ZCCHC14: variants seen among roughly 807,000 people sequenced by gnomAD.
ZCCHC14 encodes zinc finger CCHC domain-containing protein 14.
A neutral mutation model predicts 85.0 loss-of-function variants in ZCCHC14; 16 were observed. The ratio of observed to expected loss-of-function variants is 0.19; its 90% CI spans 0.13 to 0.29. The LOEUF (loss-of-function observed/expected upper bound fraction) is 0.29, where lower values mean the gene tolerates loss of function less well. Among genes scored for constraint, ZCCHC14 ranks in the 10% least tolerant of loss-of-function variants. The pLI, the probability that ZCCHC14 is intolerant of heterozygous loss-of-function variation, is 1.00. For synonymous variants in ZCCHC14, 775 were observed against 630.7 expected (o/e 1.23, Z -3.43); for missense variants, 1,303 against 1,443.5 (o/e 0.90, Z 1.58).
In ZCCHC14 at chr16:87,411,709, C is replaced by A; in HGVS notation, c.3012G>T (p.Gln1004His). 6.2e-7 allele frequency: 1 copy of A among 1,614,120 alleles called. No homozygotes were observed. The highest frequency in any genetic ancestry group is 8.5e-7 in the Non-Finnish European group (1 of 1,180,026). ...GCATGGGTGGCACGGCAAACGTGGA[C>A]TGCCCACTCAGGACAGGGTCTGGGG... ...SGTPDPVLSG[Q>H]STFAVPPMQN... The change falls in exon 12 of 13, where the codon CAG becomes CAT. Residue 1004 changes from glutamine (Q) to histidine (H), a missense_variant. Coordinates refer to ENST00000671377, the MANE Select transcript of ZCCHC14 (RefSeq NM_015144.3).
Position 87,481,526 on chromosome 16 carries a change from CGGGGGGGGGGGGGGGTG to C in ZCCHC14, c.570+10126_570+10142del, listed in dbSNP as rs1184208945. On this transcript the variant is annotated intron_variant, in intron 1 of 12. Coordinates refer to ENST00000671377, the MANE Select transcript of ZCCHC14 (RefSeq NM_015144.3). ...ATGGCAAGTGTGGCAGGGAGAGAAA[CGGGGGGGGGGGGGGGTG>C]GGGGGGGGGAAGGGTAAGCGGGAGG... Among the ~76,000 whole-genome samples, 14 of 2,430 alleles carry C rather than the reference CGGGGGGGGGGGGGGGTG, an allele frequency of 5.8e-3. 1 individual carries two copies. The highest frequency in any genetic ancestry group is 0.014 in the African/African-American group (11 of 768). The allele number at this position is 2,430 out of a possible 152,430, so 1.6% of individuals were successfully genotyped here.
In ZCCHC14 at chr16:87,483,829, G is replaced by A. The variant is rs1912396322; in HGVS notation, c.570+7840C>T. The stretch of plus-strand genomic sequence containing the variant: ...CCACTTCCAGATTTCTACTCCACAG[G>A]TAGACTTACCTGAATGTGAAAGGTC... On this transcript the variant is annotated intron_variant, in intron 1 of 12. Coordinates refer to ENST00000671377, the MANE Select transcript of ZCCHC14 (RefSeq NM_015144.3). Among the ~76,000 whole-genome samples the A allele has an allele frequency of 2.0e-5, 3 of 152,310 alleles. No homozygotes were observed. The South Asian group carries it at 6.2e-4, about 32-fold the overall frequency.
chr16:87,447,362 T>C (rs117722238), intron 2 of ZCCHC14, among the ~76,000 whole-genome samples: 2,330 of 152,230 alleles, frequency 0.015, 36 homozygotes, highest in Middle Eastern at 0.041. Flanking sequence ...ATCTGAAGTG[T>C]ACAATTCAAT....
rs552115019 is a variant in ZCCHC14 at position 87,479,940 on chromosome 16, T to C, written c.570+11729A>G. 5.9e-5 allele frequency among the ~76,000 whole-genome samples: 9 copies of C among 151,888 alleles called. No homozygotes were observed. The East Asian group carries it at 9.8e-4, about 16-fold the overall frequency. ...TGTATGCCAGTTTTTTCTTCTTCTT[T>C]TTCTTTTTTTTTTTAAATAGAGATG... On this transcript the variant is annotated intron_variant, in intron 1 of 12. Transcript: ENST00000671377.
intron 1 of ZCCHC14, among the ~76,000 whole-genome samples, chr16:87,484,266 G>C (rs1173885012): frequency 6.6e-6 from 1 of 152,208 alleles, no homozygotes; most frequent in African/African-American, 2.4e-5. Context: ...GCCCTTCCGT[G>C]CCATCTGTGG....
At chr16:87,485,196 G>T (rs1912459623) in intron 1 of ZCCHC14, among the ~76,000 whole-genome samples, 1 of 152,188 alleles carries the variant, frequency 6.6e-6, no homozygotes, top group Non-Finnish European at 1.5e-5. Context: ...GCTTAATCAT[G>T]CCCTGATCAG....
chr16:87,477,861 G>T (rs9924961), intron 1 of ZCCHC14, among the ~76,000 whole-genome samples: 1 of 132,316 alleles, frequency 7.6e-6, no homozygotes, highest in Admixed American at 7.5e-5. Context: ...GCCCCTCACC[G>T]CACACACCTG....
chr16:87,492,070 G>A lies in ZCCHC14; in HGVS notation c.169C>T (p.His57Tyr), dbSNP rs1371691348. 3 of 1,401,942 alleles carry A rather than the reference G, an allele frequency of 2.1e-6. No homozygotes were observed. The highest frequency in any genetic ancestry group is 1.5e-5 in the South Asian group (1 of 65,120). The allele number at this position is 1,401,942 out of a possible 1,614,324, so 86.8% of individuals were successfully genotyped here. The change falls in exon 1 of 13, where the codon CAC becomes TAC. Residue 57 changes from histidine to tyrosine, a missense_variant. By Grantham distance (83) the His-to-Tyr change is moderately conservative. Coordinates refer to ENST00000671377, the MANE Select transcript of ZCCHC14 (RefSeq NM_015144.3). This position sits in a 1 kb window ranked among gnomAD's most constrained non-coding sequence, Gnocchi z 6.7. ...TTGATCTCCGAGTCGCGCAGCGAGT[G>A]GTAGTCCTTGCGGGCCAGGTCCTCC... is the stretch of plus-strand genomic sequence containing the variant. ...CLEDLARKDY[H>Y]SLRDSEIKAN...
chr16:87,452,512 G>T (rs761264004), intron 2 of ZCCHC14, among the ~76,000 whole-genome samples: 1 of 152,104 alleles, frequency 6.6e-6, no homozygotes, highest in Non-Finnish European at 1.5e-5. Flanking sequence ...GGGTACAGAA[G>T]AGCGCTATCG....
chr16:87,448,690 G>A (rs1262771522), intron 2 of ZCCHC14, among the ~76,000 whole-genome samples: 1 of 151,996 alleles, frequency 6.6e-6, no homozygotes, highest in Non-Finnish European at 1.5e-5. Context: ...CTTTTTTCAT[G>A]GCACCCAGCT....
chr16:87,462,553 A>C (rs1032646373), intron 1 of ZCCHC14, among the ~76,000 whole-genome samples: 2 of 151,188 alleles, frequency 1.3e-5, no homozygotes, highest in Non-Finnish European at 2.9e-5. Context: ...ATCCTGGCTA[A>C]CACGGTGAAA....
chr16:87,442,848 A>C lies in ZCCHC14; in HGVS notation c.695-9647T>G, dbSNP rs187904204. On this transcript the variant is annotated intron_variant, in intron 2 of 12. Transcript: ENST00000671377. ...AACCATGAAGGCCAGAAGAAAGTAG[A>C]ATCATATTTTAAAGTACTAAAGGCA... 6.6e-5 allele frequency among the ~76,000 whole-genome samples: 10 copies of C among 152,360 alleles called. No individual in the cohort carries two copies. In the East Asian group the frequency reaches 1.5e-3, roughly 23 times the overall value.
intron 1 of ZCCHC14, chr16:87,467,047 T>G (rs902888248): frequency 1.5e-4 from 8 of 51,940 alleles, no homozygotes; most frequent in South Asian, 3.3e-4. Flanking sequence ...AAAAAATTGT[T>G]TTTTTTTTTT....
intron 8 of ZCCHC14, among the ~76,000 whole-genome samples, chr16:87,416,330 A>G (rs923221702): frequency 9.2e-5 from 14 of 152,238 alleles, no homozygotes; most frequent in Admixed American, 8.5e-4. Flanking sequence ...GGTGCTACGC[A>G]AACACACCAG....
At chr16:87,429,399 A>C (rs1289521342) in intron 3 of ZCCHC14, among the ~76,000 whole-genome samples, 1 of 150,810 alleles carries the variant, frequency 6.6e-6, no homozygotes, top group Non-Finnish European at 1.5e-5. Flanking sequence ...CTAGTCTTGA[A>C]CTCCTGGCCT....
At chr16:87,439,974 A>G (rs1435445478) in intron 2 of ZCCHC14, among the ~76,000 whole-genome samples, 2 of 152,114 alleles carry the variant, frequency 1.3e-5, no homozygotes, top group African/African-American at 2.4e-5. Context: ...AGCATTTTTA[A>G]AAGTTTATTT....
At chr16:87,415,176 T>C in intron 9 of ZCCHC14, 100 bp downstream of exon 9, 1 of 934,770 alleles carries the variant, frequency 1.1e-6, no homozygotes, top group Non-Finnish European at 1.7e-6. Context: ...CAACAGGAAC[T>C]AATCCAATCA....
intron 12 of ZCCHC14, among the ~76,000 whole-genome samples, chr16:87,410,721 C>T (rs1264885967): frequency 6.6e-6 from 1 of 152,220 alleles, no homozygotes; most frequent in Non-Finnish European, 1.5e-5. Context: ...CACAGGCCCA[C>T]CCGGGCCCGC....
chr16:87,461,856 A>C (rs1911275498), intron 1 of ZCCHC14, among the ~76,000 whole-genome samples: 1 of 152,196 alleles, frequency 6.6e-6, no homozygotes, highest in Admixed American at 6.5e-5. Context: ...CCCCAGCAAG[A>C]AGCCCTCCTG....
Sources: gnomAD v4.1 joint callset for allele counts (sites outside exome capture counted in the v4.1 genomes callset) on GRCh38, gnomAD v4.1.1 for gene constraint, Gnocchi (gnomAD v3.1) non-coding constraint, MANE v1.5 for transcripts, NCBI Gene and HGNC (gene_info 2026-07-23, HGNC 2026-07-21) for gene names.